Variants in PRMT7 observed in about 807,000 individuals in gnomAD.
PRMT7 encodes the protein protein arginine N-methyltransferase 7.
Under a neutral mutation model 85.4 loss-of-function variants are expected in PRMT7, and 75 were observed. The observed-to-expected ratio is 0.88, with a 90% CI of 0.73 to 1.06. The LOEUF (loss-of-function observed/expected upper bound fraction) is 1.06, where lower values mean the gene tolerates loss of function less well. PRMT7 is among the 50% of genes least tolerant of loss of function. PRMT7 has a pLI of 0.00. For missense variants in PRMT7, 868 were observed against 915.2 expected (o/e 0.95, Z 0.67); for synonymous variants, 397 against 359.5 (o/e 1.10, Z -1.18).
At chr16:68,332,428 C>G (rs896849430) in intron 6 of PRMT7, among the ~76,000 whole-genome samples, 2 of 152,152 alleles carry the variant, frequency 1.3e-5, no homozygotes, top group East Asian at 3.8e-4. Context: ...GCTGTTTAGC[C>G]AGACAGTTAC....
chr16:68,349,750 C>G (rs906592876), intron 14 of PRMT7, among the ~76,000 whole-genome samples: 1 of 151,940 alleles, frequency 6.6e-6, no homozygotes, highest in Admixed American at 6.6e-5. Flanking sequence ...AAAAATTAAC[C>G]GAGTGTGGTG....
chr16:68,321,587 A>C, intron 4 of PRMT7, 125 bp downstream of exon 4: 1 of 884,944 alleles, frequency 1.1e-6, no homozygotes, highest in East Asian at 2.6e-5. Flanking sequence ...TGTAGAAGTC[A>C]GGAAATCAGT....
At position 68,353,276 on chromosome 16, in the gene PRMT7, G is replaced by C. The variant is rs12928088; in HGVS notation, c.1576-216G>C. On this transcript the variant is annotated intron_variant, in intron 15 of 18. Transcript: ENST00000441236. Reference sequence around the variant, plus strand: ...GAGCTCTGGCCGACTGTCCCTTATAGGAGAGGACTCAGGTGTCACGTCAGA... The same window carrying C: ...GAGCTCTGGCCGACTGTCCCTTATACGAGAGGACTCAGGTGTCACGTCAGA... The C allele has an allele frequency of 3.3e-3, 3,342 of 1,012,270 alleles. 9 individuals are homozygous for C. The highest frequency in any genetic ancestry group is 0.013 in the Middle Eastern group (44 of 3,290). The allele number at this position is 1,012,270 out of a possible 1,614,324, so 62.7% of individuals were successfully genotyped here.
At chr16:68,319,705 A>AGAGTGTGTGTGT (rs1268725611) in intron 3 of PRMT7, among the ~76,000 whole-genome samples, 15 of 50,764 alleles carry the variant, frequency 3.0e-4, no homozygotes, top group African/African-American at 4.2e-4. Flanking sequence ...TCTCAATAAG[A>AGAGTGTGTGTGT]GTGAGAGTGT....
chr16:68,327,526 G>A (rs2083272026), intron 5 of PRMT7, among the ~76,000 whole-genome samples: 1 of 152,078 alleles, frequency 6.6e-6, no homozygotes, highest in Non-Finnish European at 1.5e-5. Context: ...TGGCTGGAGT[G>A]TTGGTTGTTG....
At chr16:68,340,970 C>G (rs1468776413) in intron 9 of PRMT7, among the ~76,000 whole-genome samples, 1 of 152,142 alleles carries the variant, frequency 6.6e-6, no homozygotes, top group Non-Finnish European at 1.5e-5. Flanking sequence ...TGTGGCAGCA[C>G]TGGTGTTAGT....
chr16:68,354,865 C>A (rs915820715), intron 16 of PRMT7: 2 of 152,548 alleles, frequency 1.3e-5, no homozygotes, highest in African/African-American at 4.8e-5. Context: ...ACCTGCCCTT[C>A]CCCACCCTTA....
chr16:68,337,620 C>A, intron 7 of PRMT7, 49 bp downstream of exon 7: 1 of 1,294,790 alleles, frequency 7.7e-7, no homozygotes, highest in South Asian at 1.3e-5. Flanking sequence ...TCAGCCAGCT[C>A]ACATAGCACT....
At chr16:68,317,320 G>T (rs190462673) in intron 3 of PRMT7, among the ~76,000 whole-genome samples, 578 of 152,148 alleles carry the variant, frequency 3.8e-3, no homozygotes, top group African/African-American at 0.014. Flanking sequence ...CTGAACTTGG[G>T]GTGGGAGGTA....
Position 68,326,348 on chromosome 16 carries a change from C to CAA in PRMT7, c.282+1517_282+1518dup, listed in dbSNP as rs562074443. On this transcript the variant is annotated intron_variant, in intron 5 of 18. Coordinates refer to ENST00000441236, the MANE Select transcript of PRMT7 (RefSeq NM_019023.5). ...GCAACCTCCGCCTCCTGGGTTCAAGCAATTCTCTTTTCTCAGCCTCCCAAA... is the reference window on the plus strand; with the variant it reads ...GCAACCTCCGCCTCCTGGGTTCAAGCAAAATTCTCTTTTCTCAGCCTCCCAAA... Among the ~76,000 whole-genome samples, 18 of 152,304 alleles carry CAA rather than the reference C, an allele frequency of 1.2e-4. No homozygotes were observed. The South Asian group carries it at 3.5e-3, about 30-fold the overall frequency.
rs148840529 is a variant in PRMT7, at chr16:68,313,198, A to G, written c.-84+1022A>G. ...ACATCACAGACAAGAAAGGAATCCTATGGATTAAAGTTCTTCACTATAAGT... is the reference window on the plus strand; with the variant it reads ...ACATCACAGACAAGAAAGGAATCCTGTGGATTAAAGTTCTTCACTATAAGT... On this transcript the variant is annotated intron_variant, in intron 2 of 18. Transcript: ENST00000441236. Among the ~76,000 whole-genome samples, 308 of 152,228 alleles carry G rather than the reference A, an allele frequency of 2.0e-3. 2 individuals carry two copies. The highest frequency in any genetic ancestry group is 7.1e-3 in the African/African-American group (296 of 41,530).
chr16:68,353,293 C>T (rs889123683), intron 15 of PRMT7, 199 bp from the exon 16 acceptor site: 2 of 1,207,422 alleles, frequency 1.7e-6, no homozygotes, highest in Non-Finnish European at 2.2e-6. Context: ...ACTCAGGTGT[C>T]ACGTCAGAGC....
chr16:68,335,456 T>G (rs1050574718), intron 6 of PRMT7, among the ~76,000 whole-genome samples: 15 of 151,930 alleles, frequency 9.9e-5, no homozygotes, highest in African/African-American at 3.4e-4. Flanking sequence ...AGTTGGAGTT[T>G]GATGTGACAT....
chr16:68,356,970 C>T (rs888104748), intron 18 of PRMT7, 84 bp from the exon 19 acceptor site: 15 of 1,468,856 alleles, frequency 1.0e-5, no homozygotes, highest in African/African-American at 5.6e-5. Context: ...CTCTCTGCTG[C>T]GAGCTGCCTG....
chr16:68,333,429 C>T (rs1008378182), intron 6 of PRMT7, among the ~76,000 whole-genome samples: 12 of 150,178 alleles, frequency 8.0e-5, no homozygotes, highest in African/African-American at 2.2e-4. Context: ...TGCGGTGAGC[C>T]GAGATTGCGC....
intron 6 of PRMT7, among the ~76,000 whole-genome samples, chr16:68,336,085 C>T (rs917191586): frequency 6.6e-6 from 1 of 152,152 alleles, no homozygotes; most frequent in African/African-American, 2.4e-5. Context: ...CCCCTGTCAG[C>T]TGCTTTCATG....
chr16:68,332,002 G>A (rs1454027182), intron 6 of PRMT7, among the ~76,000 whole-genome samples: 2 of 151,826 alleles, frequency 1.3e-5, no homozygotes, highest in Non-Finnish European at 2.9e-5. Flanking sequence ...AACCATTTTT[G>A]TTTGGATGCT....
Position 68,336,769 on chromosome 16 carries a change from C to T in PRMT7, c.392-690C>T, listed in dbSNP as rs111527281. 3.1e-3 allele frequency among the ~76,000 whole-genome samples: 477 copies of T among 152,136 alleles called. 5 individuals carry two copies. The highest frequency in any genetic ancestry group is 0.011 in the African/African-American group (449 of 41,504). On this transcript the variant is annotated intron_variant, in intron 6 of 18. Transcript: ENST00000441236. ...TGTTTGAGACAGAGTCTCACTCTGT[C>T]GCGCAGGCTGGATCACTCTGTCGCG...
chr16:68,339,044 C>A (rs1196378231), intron 7 of PRMT7, among the ~76,000 whole-genome samples: 1 of 152,192 alleles, frequency 6.6e-6, no homozygotes, highest in Non-Finnish European at 1.5e-5. Context: ...CACCACCCAG[C>A]AGCAGGACGT....
Sources: gnomAD v4.1 joint callset for allele counts (sites outside exome capture counted in the v4.1 genomes callset) on GRCh38, gnomAD v4.1.1 for gene constraint, MANE v1.5 for transcripts, NCBI Gene and HGNC (gene_info 2026-07-23, HGNC 2026-07-21) for gene names.